The following MAP3K14 variants were observed in gnomAD, a reference collection of about 807,000 sequenced individuals.
MAP3K14 encodes mitogen-activated protein kinase kinase kinase 14.
Under a neutral mutation model 99.2 loss-of-function variants are expected in MAP3K14, and 16 were observed. The observed-to-expected ratio is 0.16, with a 90% CI of 0.11 to 0.24. The LOEUF is 0.24. Among genes scored for constraint, MAP3K14 ranks in the 10% least tolerant of loss-of-function variants. MAP3K14 has a pLI of 1.00. For synonymous variants in MAP3K14, 462 were observed against 492.4 expected (o/e 0.94, Z 0.82); for missense variants, 784 against 1,208.7 (o/e 0.65, Z 5.21).
In MAP3K14 at chr17:45,286,916, G is replaced by C; in HGVS notation, c.667C>G (p.Arg223Gly). The change falls in exon 5 of 16, where the codon CGA becomes GGA. Residue 223 changes from arginine (R) to glycine (G), a missense_variant. By Grantham distance (125) the Arg-to-Gly change is moderately radical. Transcript: ENST00000344686. This position sits in a 1 kb window ranked among gnomAD's most constrained non-coding sequence, Gnocchi z 4.1. ...LGEGLRPALP[R>G]SELHKLISPL... Reference sequence around the variant, plus strand: ...CTGATCAGTTTGTGGAGTTCTGATCGAGGCAGAGCCGGCCGTAGGCCCTCG... The same window carrying C: ...CTGATCAGTTTGTGGAGTTCTGATCCAGGCAGAGCCGGCCGTAGGCCCTCG... The C allele has an allele frequency of 6.2e-7, 1 of 1,614,058 alleles. No homozygotes were observed. The highest frequency in any genetic ancestry group is 1.1e-5 in the South Asian group (1 of 91,090).
chr17:45,267,609 C>T lies in MAP3K14; in HGVS notation c.2123G>A (p.Gly708Asp). 1 of 1,613,024 alleles carries T rather than the reference C, an allele frequency of 6.2e-7. No homozygotes were observed. Among genetic ancestry groups the T allele is most frequent in the Non-Finnish European group, 8.5e-7 (1 of 1,179,630 alleles). The change falls in exon 12 of 16, where the codon GGC becomes GAC. Residue 708 changes from glycine to aspartate, a missense_variant. Around this residue, in one of 5 missense-constraint regions of MAP3K14, gnomAD observed 128 missense variants for 143.3 expected, o/e 0.89. Coordinates refer to ENST00000344686, the MANE Select transcript of MAP3K14 (RefSeq NM_003954.5). This position sits in a 1 kb window ranked among gnomAD's most constrained non-coding sequence, Gnocchi z 5.1. ...AGGAGGCTGGAGCTTAGGGGCTCTG[C>T]CTGTTGTCTCCTCAGCTGGCCGGGG... Reference protein sequence around the residue: ...PGPRPAEETTGRAPKLQPPLP... With the variant: ...PGPRPAEETTDRAPKLQPPLP...
Position 45,267,735 on chromosome 17 carries a change from C to T in MAP3K14, c.1997G>A (p.Arg666Lys). 6.2e-7 allele frequency: 1 copy of T among 1,612,126 alleles called. No individual in the cohort carries two copies. The highest frequency in any genetic ancestry group is 1.1e-5 in the South Asian group (1 of 91,068). Residue 666 changes from arginine (R) to lysine (K), a missense_variant, in exon 12 of 16, where the codon AGG (arginine) becomes AAG (lysine). By Grantham distance (26) the Arg-to-Lys change is conservative (BLOSUM62 2). Coordinates refer to ENST00000344686, the MANE Select transcript of MAP3K14 (RefSeq NM_003954.5). This position sits in a 1 kb window ranked among gnomAD's most constrained non-coding sequence, Gnocchi z 5.1. ...QQVGGLKSPWRGEYKEPRHPP... is the reference protein window; with the variant it reads ...QQVGGLKSPWKGEYKEPRHPP... ...ATGTCTTGGTTCTTTATATTCTCCC[C>T]TCCAAGGGCTCTTCAGACCTCCCAC...
intron 9 of MAP3K14, 81 bp from the exon 10 acceptor site, chr17:45,271,302 C>T (rs1360333545): frequency 2.6e-5 from 33 of 1,256,174 alleles, no homozygotes; most frequent in African/African-American, 4.6e-5. Flanking sequence ...GGTTAATCCT[C>T]GGGGTATCTT....
intron 6 of MAP3K14, among the ~76,000 whole-genome samples, chr17:45,276,820 CTTCTT>C (rs2044183677): frequency 9.1e-6 from 1 of 109,500 alleles, no homozygotes; most frequent in African/African-American, 3.7e-5. Context: ...GCCTCTTAGA[CTTCTT>C]TTTTTTTTTT....
intron 1 of MAP3K14, among the ~76,000 whole-genome samples, chr17:45,309,884 G>A (rs2044459459): frequency 6.6e-6 from 1 of 152,102 alleles, no homozygotes. Context: ...CTAGAGGGAG[G>A]TGGTGCAGGA....
chr17:45,277,650 G>T (rs1394108283), intron 6 of MAP3K14, among the ~76,000 whole-genome samples: 1 of 152,140 alleles, frequency 6.6e-6, no homozygotes, highest in East Asian at 1.9e-4. Context: ...CCCCCAAACT[G>T]AGCTGAGGCA....
At position 45,286,774 on chromosome 17, in the gene MAP3K14, T is replaced by A; in HGVS notation, c.809A>T (p.His270Leu). The A allele has an allele frequency of 6.2e-7, 1 of 1,608,742 alleles. No individual in the cohort carries two copies. Residue 270 changes from histidine to leucine, a missense_variant, in exon 5 of 16, where the codon CAC becomes CTC. Physicochemically the swap from His to Leu is moderately conservative, Grantham distance 99. Coordinates refer to ENST00000344686, the MANE Select transcript of MAP3K14 (RefSeq NM_003954.5). The surrounding 1 kb of genome is among the most constrained non-coding windows in gnomAD (Gnocchi z 4.1). ...GTGAGGTTTCCAGGGCTGGAGAGGG[T>A]GGAATGGGAAGGGATGAGGCAGTCT... ...YSRLPHPFPF[H>L]PLQPWKPHPL...
chr17:45,291,635 T>G (rs1027297743), intron 1 of MAP3K14, among the ~76,000 whole-genome samples: 4 of 152,200 alleles, frequency 2.6e-5, no homozygotes, highest in African/African-American at 9.7e-5. Flanking sequence ...CAACAATCTG[T>G]GCAAACAGCC....
chr17:45,289,143 C>T (rs538754872), intron 3 of MAP3K14, 93 bp downstream of exon 3: 311 of 1,106,230 alleles, frequency 2.8e-4, no homozygotes, highest in Non-Finnish European at 2.7e-5. Flanking sequence ...GGAGGGAGCC[C>T]GGGGTCAGCA....
chr17:45,264,869 C>T (rs2044061490), intron 15 of MAP3K14, 69 bp from the exon 16 acceptor site: 2 of 1,513,618 alleles, frequency 1.3e-6, no homozygotes, highest in Non-Finnish European at 1.8e-6. Flanking sequence ...AAGGTAAAGA[C>T]ATCTCCTTCC....
rs1039620023 is a variant in MAP3K14 at position 45,266,439 on chromosome 17, G to A, written c.2578+98C>T. On this transcript the variant is annotated intron_variant, in intron 14 of 15. Coordinates refer to ENST00000344686, the MANE Select transcript of MAP3K14 (RefSeq NM_003954.5). ...ACCAGGCGCCTTCCTCCCTCCCACT[G>A]TGCCAGAGGAGGGGAGACAAAATCC... 1.0e-5 allele frequency: 15 copies of A among 1,465,626 alleles called. No homozygotes were observed. The Middle Eastern group carries it at 7.4e-4, about 72-fold the overall frequency. The allele number at this position is 1,465,626 out of a possible 1,614,324, so 90.8% of individuals were successfully genotyped here. A position where few individuals can be genotyped will look rare whatever the true frequency, so the allele number is the denominator to read the frequency against.
At position 45,266,325 on chromosome 17, in the gene MAP3K14, T is replaced by C. The variant is rs567682323; in HGVS notation, c.2578+212A>G. On this transcript the variant is annotated intron_variant, in intron 14 of 15. Coordinates refer to ENST00000344686, the MANE Select transcript of MAP3K14 (RefSeq NM_003954.5). ...TCAACTGACAATGAGGGGATAATGG[T>C]CCCTCACTGCCCCATCAGGAAAGGC... 5 of 510,738 alleles carry C rather than the reference T, an allele frequency of 9.8e-6. No homozygotes were observed. In the South Asian group the frequency reaches 1.5e-4, roughly 15 times the overall value. 31.6% of individuals were successfully genotyped at this position (510,738 alleles called of 1,614,324 possible).
At chr17:45,301,248 G>A (rs2044385979) in intron 1 of MAP3K14, among the ~76,000 whole-genome samples, 1 of 151,614 alleles carries the variant, frequency 6.6e-6, no homozygotes, top group African/African-American at 2.4e-5. Context: ...CAGATCACCT[G>A]AGGTCAGGAG....
intron 1 of MAP3K14, among the ~76,000 whole-genome samples, chr17:45,310,911 C>T (rs918486523): frequency 5.3e-5 from 8 of 152,152 alleles, no homozygotes; most frequent in African/African-American, 1.9e-4. Context: ...AGACCCAGGG[C>T]AGCAGCTGCT....
intron 6 of MAP3K14, among the ~76,000 whole-genome samples, chr17:45,284,022 T>G (rs1055919548): frequency 1.3e-5 from 2 of 152,152 alleles, no homozygotes; most frequent in African/African-American, 4.8e-5. Context: ...TGGGCCCGGA[T>G]AGTGTGATCT....
intron 8 of MAP3K14, 101 bp from the exon 9 acceptor site, chr17:45,273,708 G>A (rs1174521468): frequency 1.2e-6 from 1 of 854,378 alleles, no homozygotes; most frequent in Non-Finnish European, 2.0e-6. Flanking sequence ...GTAATTTTCT[G>A]GCTGACCCTA....
Position 45,267,490 on chromosome 17 carries a change from G to A in MAP3K14, c.2242C>T (p.Leu748=), listed in dbSNP as rs375277208. ...GGGTTTCTGGCAGGGGCTGGCTCCA[G>A]GGAGGACAGAGGTAAGGGTTCCCAC... ...GMWEPLPLSS[L]EPAPARNPSS... The change falls in exon 12 of 16, where the codon CTG becomes TTG. Residue 748 remains leucine, a synonymous_variant. Transcript: ENST00000344686. The surrounding 1 kb of genome is among the most constrained non-coding windows in gnomAD (Gnocchi z 5.1). 20 of 1,612,380 alleles carry A rather than the reference G, an allele frequency of 1.2e-5. No homozygotes were observed. In the Admixed American group the frequency reaches 2.5e-4, roughly 20 times the overall value.
chr17:45,277,454 T>G (rs1266695908), intron 6 of MAP3K14, among the ~76,000 whole-genome samples: 1 of 152,168 alleles, frequency 6.6e-6, no homozygotes, highest in Non-Finnish European at 1.5e-5. Flanking sequence ...CCTGACACTG[T>G]GGGGTTTTTG....
intron 14 of MAP3K14, 101 bp from the exon 15 acceptor site, chr17:45,265,364 CT>C: frequency 1.3e-6 from 1 of 773,930 alleles, no homozygotes. Flanking sequence ...AAAAGTCACT[CT>C]GCCCTATGTA....
Sources: allele counts gnomAD v4.1 joint callset (sites outside exome capture counted in the v4.1 genomes callset), GRCh38; gene constraint gnomAD v4.1.1; regional missense constraint gnomAD v4.1.1; non-coding constraint Gnocchi (gnomAD v3.1); transcripts MANE v1.5; gene names NCBI Gene and HGNC (gene_info 2026-07-23, HGNC 2026-07-21).